Variants in SLC38A9 observed in about 807,000 individuals in gnomAD.
The protein encoded by SLC38A9 is solute carrier family 38 member 9.
A neutral mutation model predicts 62.3 loss-of-function variants in SLC38A9; 48 were observed. The observed-to-expected ratio is 0.77, with a 90% CI of 0.61 to 0.98. The LOEUF (loss-of-function observed/expected upper bound fraction) is 0.98, where lower values mean the gene tolerates loss of function less well. Among genes scored for constraint, SLC38A9 ranks in the 50% least tolerant of loss-of-function variants. The pLI is 0.00. For synonymous variants in SLC38A9, 204 were observed against 227.7 expected, an observed-to-expected ratio of 0.90 and a Z score of 0.94; for missense variants, 541 against 679.8, an observed-to-expected ratio of 0.80 and a Z score of 2.27.
rs898099670 is a variant in SLC38A9, at chr5:55,694,699, C to T, written c.113+3147G>A. On this transcript the variant is annotated intron_variant, in intron 3 of 15. Coordinates refer to ENST00000396865, the MANE Select transcript of SLC38A9 (RefSeq NM_173514.4). ...TCCCTTTTCCCTTTTCCCTTCCCTTCCCTTCCCCTCCCCTCCCCTCCCCTC... is the reference window on the plus strand; with the variant it reads ...TCCCTTTTCCCTTTTCCCTTCCCTTTCCTTCCCCTCCCCTCCCCTCCCCTC... Among the ~76,000 whole-genome samples, 4 of 149,352 alleles carry T rather than the reference C, an allele frequency of 2.7e-5. 1 individual carries two copies. The East Asian group carries it at 8.1e-4, about 30-fold the overall frequency.
intron 12 of SLC38A9, among the ~76,000 whole-genome samples, chr5:55,644,416 G>A (rs1162356119): frequency 1.3e-5 from 2 of 151,772 alleles, no homozygotes; most frequent in African/African-American, 4.8e-5. Flanking sequence ...TTTTGGATCA[G>A]TTGCATTTTT....
At chr5:55,671,994 C>G (rs534685592) in intron 4 of SLC38A9, among the ~76,000 whole-genome samples, 1 of 151,958 alleles carries the variant, frequency 6.6e-6, no homozygotes, top group Non-Finnish European at 1.5e-5. Context: ...ACTATAGGTG[C>G]GAGCCATCAT....
At chr5:55,697,549 C>A (rs889580869) in intron 3 of SLC38A9, among the ~76,000 whole-genome samples, 6 of 151,234 alleles carry the variant, frequency 4.0e-5, no homozygotes, top group Admixed American at 4.0e-4. Flanking sequence ...TATTACCTTG[C>A]GCAAAGTGGG....
chr5:55,678,661 T>TG lies in SLC38A9; in HGVS notation c.114-5967_114-5966insC, dbSNP rs1752571850. 2.2e-5 allele frequency among the ~76,000 whole-genome samples: 3 copies of TG among 138,540 alleles called. 1 individual carries two copies. The highest frequency in any genetic ancestry group is 2.5e-4 in the South Asian group (1 of 4,072). 90.9% of individuals were successfully genotyped at this position (138,540 alleles called of 152,430 possible). A position where few individuals can be genotyped will look rare whatever the true frequency, so the allele number is the denominator to read the frequency against. On this transcript the variant is annotated intron_variant, in intron 3 of 15. Transcript: ENST00000396865. Reference sequence around the variant, plus strand: ...TGAAATGAACTTTTTTTTTTTTTTTTTTTTTTTTTTTTTGAGACAGGGTCT... The same window carrying TG: ...TGAAATGAACTTTTTTTTTTTTTTTTGTTTTTTTTTTTTTGAGACAGGGTCT...
At chr5:55,695,040 A>T (rs1201430877) in intron 3 of SLC38A9, among the ~76,000 whole-genome samples, 1 of 152,138 alleles carries the variant, frequency 6.6e-6, no homozygotes, top group African/African-American at 2.4e-5. Flanking sequence ...GGCATGAGCC[A>T]CCGTGCGTGG....
intron 11 of SLC38A9, among the ~76,000 whole-genome samples, chr5:55,646,254 C>T (rs1746325631): frequency 6.6e-6 from 1 of 152,078 alleles, no homozygotes; most frequent in Admixed American, 6.5e-5. Flanking sequence ...GCCTGTAATC[C>T]CCGCTACTTG....
At chr5:55,693,632 A>G (rs1043722136) in intron 3 of SLC38A9, among the ~76,000 whole-genome samples, 4 of 152,226 alleles carry the variant, frequency 2.6e-5, no homozygotes, top group Admixed American at 6.5e-5. Context: ...AGACTATGAC[A>G]TCTTCAGAGT....
chr5:55,669,928 T>C (rs1379275281), intron 4 of SLC38A9, 49 bp from the exon 5 acceptor site: 5 of 1,548,960 alleles, frequency 3.2e-6, no homozygotes, highest in Non-Finnish European at 8.7e-7. Flanking sequence ...AAATGCAAAA[T>C]AGGATATTTG....
In SLC38A9 at chr5:55,627,917, G is replaced by C; in HGVS notation, c.1494C>G (p.Phe498Leu). Residue 498 changes from phenylalanine to leucine, a missense_variant, in exon 15 of 16, where the codon TTC becomes TTG. Coordinates refer to ENST00000396865, the MANE Select transcript of SLC38A9 (RefSeq NM_173514.4). ...TTATGATCCCTCCTATGTTTGGGTAGAAACAGGCCATGATCACTCCAGCTC... is the reference window on the plus strand; with the variant it reads ...TTATGATCCCTCCTATGTTTGGGTACAAACAGGCCATGATCACTCCAGCTC... ...IVGAGVIMACFYPNIGGIIRY... is the reference protein window; with the variant it reads ...IVGAGVIMACLYPNIGGIIRY... 6.2e-7 allele frequency: 1 copy of C among 1,612,004 alleles called. No homozygotes were observed. Among genetic ancestry groups the C allele is most frequent in the Non-Finnish European group, 8.5e-7 (1 of 1,178,416 alleles).
intron 3 of SLC38A9, among the ~76,000 whole-genome samples, chr5:55,676,842 T>C (rs1045639159): frequency 2.8e-5 from 3 of 107,064 alleles, no homozygotes; most frequent in African/African-American, 9.0e-5. Context: ...TCTGAGAAAG[T>C]AGTTGCTTTA....
At chr5:55,666,484 A>G (rs1375452360) in intron 7 of SLC38A9, among the ~76,000 whole-genome samples, 1 of 152,224 alleles carries the variant, frequency 6.6e-6, no homozygotes, top group Non-Finnish European at 1.5e-5. Flanking sequence ...CCTTTGAAGC[A>G]AAATATGGCA....
Position 55,679,583 on chromosome 5 carries a change from G to A in SLC38A9, c.114-6888C>T, listed in dbSNP as rs928832047. Among the ~76,000 whole-genome samples, 4 of 136,482 alleles carry A rather than the reference G, an allele frequency of 2.9e-5. No individual in the cohort carries two copies. The South Asian group carries it at 1.0e-3, about 36-fold the overall frequency. 89.5% of individuals were successfully genotyped at this position (136,482 alleles called of 152,430 possible). ...CTACAAAATGATCAGTAAAAGAAATGCAAGTTTTTAGTTTTTTGTTTTTTT... is the reference window on the plus strand; with the variant it reads ...CTACAAAATGATCAGTAAAAGAAATACAAGTTTTTAGTTTTTTGTTTTTTT... On this transcript the variant is annotated intron_variant, in intron 3 of 15. Transcript: ENST00000396865.
chr5:55,655,523 G>T (rs1748248309), intron 9 of SLC38A9, among the ~76,000 whole-genome samples: 1 of 152,160 alleles, frequency 6.6e-6, no homozygotes, highest in Non-Finnish European at 1.5e-5. Context: ...AGGTATATGT[G>T]TATGTGTCCA....
At chr5:55,656,908 T>G (rs1748547705) in intron 8 of SLC38A9, 134 bp from the exon 9 acceptor site, 1 of 397,522 alleles carries the variant, frequency 2.5e-6, no homozygotes, top group Non-Finnish European at 4.3e-6. Flanking sequence ...TTGCCCAGGC[T>G]AGAGTGCAGT....
chr5:55,655,682 C>T (rs746463024), intron 9 of SLC38A9, among the ~76,000 whole-genome samples: 6 of 152,022 alleles, frequency 3.9e-5, no homozygotes, highest in Non-Finnish European at 8.8e-5. Flanking sequence ...TTATTATATC[C>T]CTAGAGCCTA....
chr5:55,635,255 A>G (rs2161505), intron 13 of SLC38A9: 256,101 of 430,484 alleles, frequency 0.59, 78,954 homozygotes, highest in South Asian at 0.66. Context: ...ATATGTACAT[A>G]ATAGTAGACA....
chr5:55,682,161 AGGAAAATAG>A (rs11278196), intron 3 of SLC38A9, among the ~76,000 whole-genome samples: 90,850 of 151,656 alleles, frequency 0.6, 27,781 homozygotes, highest in South Asian at 0.7. Flanking sequence ...TTTTTCCTTC[AGGAAAATAG>A]GTAATATTTA....
intron 3 of SLC38A9, among the ~76,000 whole-genome samples, chr5:55,681,957 G>A (rs561966743): frequency 6.6e-6 from 1 of 152,188 alleles, no homozygotes; most frequent in African/African-American, 2.4e-5. Flanking sequence ...TGCCCACAAA[G>A]CCTAAAGTAT....
rs59678801 is a variant in SLC38A9 at position 55,661,086 on chromosome 5, T to TAAAAA, written c.697+3606_697+3607insTTTTT. 1.8e-3 allele frequency among the ~76,000 whole-genome samples: 275 copies of TAAAAA among 151,354 alleles called. 2 individuals carry two copies. Among genetic ancestry groups the TAAAAA allele is most frequent in the African/African-American group, 5.5e-3 (226 of 41,238 alleles). ...CACAAGATCTTTATCAAGAAAAACT[T>TAAAAA]AAAATTTTTTTTAAAGACCTAAATA... On this transcript the variant is annotated intron_variant, in intron 8 of 15. Transcript: ENST00000396865.
Sources: gnomAD v4.1 joint callset for allele counts (sites outside exome capture counted in the v4.1 genomes callset) on GRCh38, gnomAD v4.1.1 for gene constraint, MANE v1.5 for transcripts, NCBI Gene and HGNC (gene_info 2026-07-23, HGNC 2026-07-21) for gene names.